MOCOS: variants seen among roughly 807,000 people sequenced by gnomAD.
The protein encoded by MOCOS is molybdenum cofactor sulfurase.
Under a neutral mutation model 83.6 loss-of-function variants are expected in MOCOS, and 86 were observed. The ratio of observed to expected loss-of-function variants is 1.03; its 90% CI spans 0.86 to 1.23. The LOEUF is 1.23. Ranked by LOEUF, MOCOS falls within the 50% of genes most tolerant of loss-of-function variation. The pLI, the probability that MOCOS is intolerant of heterozygous loss-of-function variation, is 0.00. For synonymous variants in MOCOS, 445 were observed against 434.7 expected (o/e 1.02, Z -0.29); for missense variants, 1,120 against 1,126.9 (o/e 0.99, Z 0.09).
chr18:36,203,644 A>C (rs2091423316), intron 5 of MOCOS, among the ~76,000 whole-genome samples: 1 of 152,232 alleles, frequency 6.6e-6, no homozygotes, highest in Non-Finnish European at 1.5e-5. Context: ...ATTTAACCCA[A>C]GTCATACTGA....
At chr18:36,264,224 C>T (rs1193231956) in intron 13 of MOCOS, among the ~76,000 whole-genome samples, 1 of 152,118 alleles carries the variant, frequency 6.6e-6, no homozygotes, top group Non-Finnish European at 1.5e-5. Flanking sequence ...CAGAAAATGC[C>T]CCTTTCTTCT....
Position 36,227,702 on chromosome 18 carries a change from C to G in MOCOS, c.1960+7485C>G, listed in dbSNP as rs372703945. Among the ~76,000 whole-genome samples, 5 of 152,200 alleles carry G rather than the reference C, an allele frequency of 3.3e-5. No homozygotes were observed. In the East Asian group the frequency reaches 5.8e-4, roughly 18 times the overall value. On this transcript the variant is annotated intron_variant, in intron 9 of 14. Coordinates refer to ENST00000261326, the MANE Select transcript of MOCOS (RefSeq NM_017947.4). ...TGAGCCACTGTGCCTGGCCCATGCC[C>G]AACTAAATTTTTAAAACTTTTAAAA...
rs1366625802 is a variant in MOCOS at position 36,198,603 on chromosome 18, G to A, written c.233-87G>A. 6 of 1,338,008 alleles carry A rather than the reference G, an allele frequency of 4.5e-6. No homozygotes were observed. The East Asian group carries it at 1.4e-4, about 31-fold the overall frequency. The allele number at this position is 1,338,008 out of a possible 1,614,324, so 82.9% of individuals were successfully genotyped here. A position where few individuals can be genotyped will look rare whatever the true frequency, so the allele number is the denominator to read the frequency against. On this transcript the variant is annotated intron_variant, in intron 2 of 14. Coordinates refer to ENST00000261326, the MANE Select transcript of MOCOS (RefSeq NM_017947.4). ...ATGGTAGTTTTATGTTGAGCTTTTT[G>A]AGAAACTGAGGGAGTGGATTCAGAA... is the stretch of plus-strand genomic sequence containing the variant.
intron 9 of MOCOS, among the ~76,000 whole-genome samples, chr18:36,224,983 G>A (rs578049359): frequency 2.0e-5 from 3 of 152,154 alleles, no homozygotes; most frequent in South Asian, 2.1e-4. Flanking sequence ...GTTTAGTTTC[G>A]ATAGATAGTA....
chr18:36,224,744 C>A (rs969951242), intron 9 of MOCOS, among the ~76,000 whole-genome samples: 7 of 152,098 alleles, frequency 4.6e-5, no homozygotes, highest in African/African-American at 1.7e-4. Context: ...TCTTTGCCTG[C>A]CTTTAGTATC....
chr18:36,215,785 C>T lies in MOCOS; in HGVS notation c.1605C>T (p.Ala535=), dbSNP rs141608456. The change falls in exon 8 of 15, where the codon GCC becomes GCT. Residue 535 remains alanine (A), a synonymous_variant. Transcript: ENST00000261326. ...GTAGCCTCTCGCCTCAGGAAGATGC[C>T]CTCACAGGCTCCAGGGTTTGGAACA... ...GRRSLSPQED[A]LTGSRVWNNS... The T allele has an allele frequency of 1.7e-5, 27 of 1,614,112 alleles. No homozygotes were observed. Among genetic ancestry groups the T allele is most frequent in the Non-Finnish European group, 2.3e-5 (27 of 1,180,052 alleles).
rs1373517159 is a variant in MOCOS, at chr18:36,219,192, TA to T, written c.1798-862del. 2.5e-3 allele frequency among the ~76,000 whole-genome samples: 148 copies of T among 58,900 alleles called. 1 individual carries two copies. Among genetic ancestry groups the T allele is most frequent in the African/African-American group, 5.1e-3 (116 of 22,734 alleles). 38.6% of individuals were successfully genotyped at this position (58,900 alleles called of 152,430 possible). On this transcript the variant is annotated intron_variant, in intron 8 of 14. Transcript: ENST00000261326. The stretch of plus-strand genomic sequence containing the variant: ...ATTTATTATTATTATTATTTTATTT[TA>T]TTTTTTTTTTTGACACAGAGTCTCA...
chr18:36,245,469 C>T (rs2091599015), intron 9 of MOCOS, among the ~76,000 whole-genome samples: 1 of 152,216 alleles, frequency 6.6e-6, no homozygotes, highest in African/African-American at 2.4e-5. Flanking sequence ...TCCCTTCTGA[C>T]TTGCAAGGTT....
Position 36,225,524 on chromosome 18 carries a change from T to C in MOCOS, c.1960+5307T>C, listed in dbSNP as rs188714610. Among the ~76,000 whole-genome samples, 343 of 152,322 alleles carry C rather than the reference T, an allele frequency of 2.3e-3. 1 individual carries two copies. Among genetic ancestry groups the C allele is most frequent in the African/African-American group, 7.1e-3 (295 of 41,574 alleles). ...CAAAAATCCAACTTAGTTTTGTTAA[T>C]GTTTTCCATTTTTCAATTTTATTTA... On this transcript the variant is annotated intron_variant, in intron 9 of 14. Transcript: ENST00000261326.
chr18:36,235,981 TG>T (rs1463010054), intron 9 of MOCOS, among the ~76,000 whole-genome samples: 31 of 150,988 alleles, frequency 2.1e-4, no homozygotes, highest in African/African-American at 6.1e-4. Context: ...TGGGGTTGTT[TG>T]TTTTTTTCTT....
chr18:36,202,599 G>A (rs1598872879), intron 4 of MOCOS, among the ~76,000 whole-genome samples: 1 of 152,296 alleles, frequency 6.6e-6, no homozygotes, highest in African/African-American at 2.4e-5. Context: ...GAAGGGGAGA[G>A]CAATGTTTTA....
At chr18:36,202,901 A>AG (rs2091420191) in intron 4 of MOCOS, among the ~76,000 whole-genome samples, 1 of 152,136 alleles carries the variant, frequency 6.6e-6, no homozygotes, top group Non-Finnish European at 1.5e-5. Flanking sequence ...GAGAACAGCA[A>AG]GGGGGAAACC....
intron 8 of MOCOS, among the ~76,000 whole-genome samples, chr18:36,218,200 A>G (rs1183165648): frequency 1.3e-5 from 2 of 152,186 alleles, no homozygotes; most frequent in African/African-American, 4.8e-5. Flanking sequence ...GATGGAAGGA[A>G]AACAAGCAAA....
chr18:36,189,801 G>A (rs1232501172), intron 1 of MOCOS: 1 of 152,178 alleles, frequency 6.6e-6, no homozygotes, highest in East Asian at 1.9e-4. Context: ...TAACTTTGGG[G>A]TAATTCACCT....
chr18:36,221,787 C>T (rs1207379145), intron 9 of MOCOS, among the ~76,000 whole-genome samples: 1 of 148,178 alleles, frequency 6.7e-6, no homozygotes, highest in African/African-American at 2.5e-5. Context: ...AGTGCAATGG[C>T]GTGATCTCGG....
chr18:36,198,881 A>C (rs2091400876), intron 3 of MOCOS, 125 bp downstream of exon 3: 1 of 957,678 alleles, frequency 1.0e-6, no homozygotes, highest in Admixed American at 1.9e-5. Flanking sequence ...GCTAAAAGGC[A>C]ATGCATGTAT....
rs2091683253 is a variant in MOCOS, at chr18:36,266,750, T to G, written c.2411T>G (p.Val804Gly). Residue 804 changes from valine (V) to glycine (G), a missense_variant and splice_region_variant, in exon 14 of 15, where the codon GTT becomes GGT. Val to Gly is a moderately radical substitution (Grantham distance 109, BLOSUM62 -3). Transcript: ENST00000261326. Reference protein sequence around the residue: ...EISIGSLRFQVLGPCHRCQMI... With the variant: ...EISIGSLRFQGLGPCHRCQMI... Reference sequence around the variant, plus strand: ...TGTGTTTTCCTTCTCACCTGCCAGGTTTTGGGGCCTTGTCACAGATGCCAG... The same window carrying G: ...TGTGTTTTCCTTCTCACCTGCCAGGGTTTGGGGCCTTGTCACAGATGCCAG... 6.2e-7 allele frequency: 1 copy of G among 1,613,884 alleles called. No homozygotes were observed. The highest frequency in any genetic ancestry group is 8.5e-7 in the Non-Finnish European group (1 of 1,179,962).
intron 5 of MOCOS, among the ~76,000 whole-genome samples, chr18:36,204,203 A>C (rs2144905556): frequency 6.6e-6 from 1 of 152,244 alleles, no homozygotes; most frequent in South Asian, 2.1e-4. Context: ...ACCAAACAGA[A>C]ACTCTGTACC....
At chr18:36,187,744 T>C (rs1017736291) in intron 1 of MOCOS, 63 bp downstream of exon 1, 1 of 1,244,538 alleles carries the variant, frequency 8.0e-7, no homozygotes. Context: ...ACGGATCTTT[T>C]GCTCCTAGTG....
Sources: allele counts gnomAD v4.1 joint callset (sites outside exome capture counted in the v4.1 genomes callset), GRCh38; gene constraint gnomAD v4.1.1; transcripts MANE v1.5; gene names NCBI Gene and HGNC (gene_info 2026-07-23, HGNC 2026-07-21).